Variants in UTS2B observed in about 807,000 individuals in gnomAD.
UTS2B encodes the protein urotensin-2B.
In UTS2B, 21 loss-of-function variants were observed where a neutral mutation model predicts 19.2. That is an observed-to-expected ratio of 1.09 (90% CI 0.78 to 1.58). The LOEUF is 1.58. UTS2B is among the 40% of genes most tolerant of loss of function. The probability of loss-of-function intolerance (pLI) is 0.00; values close to 1 mark genes in which losing one functional copy is unlikely to be tolerated. For missense variants in UTS2B, 138 were observed against 130.3 expected (o/e 1.06, Z -0.29); for synonymous variants, 57 against 50.2 (o/e 1.14, Z -0.58).
chr3:191,298,275 T>G (rs1349120667), intron 4 of UTS2B, among the ~76,000 whole-genome samples: 1 of 152,124 alleles, frequency 6.6e-6, no homozygotes, highest in Non-Finnish European at 1.5e-5. Flanking sequence ...ACAGTTTGGA[T>G]TTTTGCCCCT....
chr3:191,321,525 C>T (rs1477105890), intron 2 of UTS2B, among the ~76,000 whole-genome samples: 1 of 152,134 alleles, frequency 6.6e-6, no homozygotes. Context: ...TCAGCCTTTA[C>T]TTTTCGCAAT....
intron 4 of UTS2B, chr3:191,294,598 G>T (rs1576922825): frequency 6.6e-6 from 1 of 151,760 alleles, no homozygotes; most frequent in South Asian, 2.1e-4. Flanking sequence ...TCTAGAAAAG[G>T]TCCATCCTAT....
At chr3:191,339,304 A>G in the UTS2B span, among the ~76,000 whole-genome samples, 7 of 152,330 alleles carry the variant, frequency 4.6e-5, no homozygotes, top group East Asian at 1.9e-4. Flanking sequence ...AACACTGGTT[A>G]AAAATATGCA....
At chr3:191,283,293 T>C (rs974134620) in intron 4 of UTS2B, among the ~76,000 whole-genome samples, 6 of 152,224 alleles carry the variant, frequency 3.9e-5, no homozygotes, top group Non-Finnish European at 1.5e-5. Flanking sequence ...TCCTGCACTT[T>C]CTGCACTTCA....
intron 4 of UTS2B, chr3:191,294,821 T>C (rs958684849): frequency 6.6e-6 from 1 of 151,250 alleles, no homozygotes; most frequent in Non-Finnish European, 1.5e-5. Flanking sequence ...CTAAGGCCAG[T>C]AGTTCGAGAC....
intron 2 of UTS2B, among the ~76,000 whole-genome samples, chr3:191,318,265 G>A (rs1375236603): frequency 6.6e-6 from 1 of 152,092 alleles, no homozygotes; most frequent in African/African-American, 2.4e-5. Flanking sequence ...CTTCTCTCTA[G>A]CACTGAATAC....
intron 6 of UTS2B, among the ~76,000 whole-genome samples, 168 bp from the exon 7 acceptor site, chr3:191,277,012 A>C (rs1476291030): frequency 6.6e-6 from 1 of 152,188 alleles, no homozygotes; most frequent in Non-Finnish European, 1.5e-5. Context: ...CTCAATGCCC[A>C]TAGTATTGAA....
At chr3:191,320,117 G>T (rs73888548) in intron 2 of UTS2B, among the ~76,000 whole-genome samples, 7,939 of 152,064 alleles carry the variant, frequency 0.052, 701 homozygotes, top group African/African-American at 0.18. Context: ...TATAATATTG[G>T]CAGGAATAAC....
intron 4 of UTS2B, among the ~76,000 whole-genome samples, chr3:191,297,361 A>G (rs2108590427): frequency 6.6e-6 from 1 of 152,218 alleles, no homozygotes; most frequent in South Asian, 2.1e-4. Context: ...GAGAGAGGAG[A>G]ATGCTTTCAA....
rs1395075242 is a variant in UTS2B, at chr3:191,267,674, G to C, written c.*742C>G. On this transcript the variant is annotated 3_prime_UTR_variant, in exon 9 of 9. Transcript: ENST00000340524. ...CAAGGGCAGGGGTAGGTTAATGAGGGATTTAGGGTCATTTGATTATGAGGT... is the reference window on the plus strand; with the variant it reads ...CAAGGGCAGGGGTAGGTTAATGAGGCATTTAGGGTCATTTGATTATGAGGT... 6.6e-6 allele frequency: 1 copy of C among 152,188 alleles called. No individual in the cohort carries two copies. Among genetic ancestry groups the C allele is most frequent in the Admixed American group, 6.5e-5 (1 of 15,278 alleles). The allele number at this position is 152,188 out of a possible 1,614,324, so 9.4% of individuals were successfully genotyped here.
intron 8 of UTS2B, among the ~76,000 whole-genome samples, chr3:191,270,343 T>C (rs1716054117): frequency 6.6e-6 from 1 of 152,114 alleles, no homozygotes; most frequent in Admixed American, 6.5e-5. Context: ...ACTACTAGCA[T>C]GGGTCACCAC....
chr3:191,297,093 C>T (rs2108590138), intron 4 of UTS2B, among the ~76,000 whole-genome samples: 1 of 152,236 alleles, frequency 6.6e-6, no homozygotes, highest in African/African-American at 2.4e-5. Context: ...AATGAAGAGC[C>T]TTCCTATAAC....
chr3:191,316,980 G>A (rs1405889925), intron 2 of UTS2B, among the ~76,000 whole-genome samples: 1 of 152,248 alleles, frequency 6.6e-6, no homozygotes, highest in Non-Finnish European at 1.5e-5. Flanking sequence ...GGCTGCCGGC[G>A]GAGCCTCCCG....
At chr3:191,295,503 T>C (rs1000091811) in intron 4 of UTS2B, among the ~76,000 whole-genome samples, 1 of 152,030 alleles carries the variant, frequency 6.6e-6, no homozygotes, top group Non-Finnish European at 1.5e-5. Flanking sequence ...GATTTTCTTT[T>C]ATTATCATGC....
chr3:191,312,332 C>T lies in UTS2B; in HGVS notation c.-182+3704G>A, dbSNP rs546722192. The stretch of plus-strand genomic sequence containing the variant: ...GAATGAGAGTCAAGGATCCTGAGGA[C>T]ACCAAAAGTCATATTGCAGGTCATC... On this transcript the variant is annotated intron_variant, in intron 3 of 8. Coordinates refer to ENST00000340524, the MANE Select transcript of UTS2B (RefSeq NM_198152.5). 6.6e-5 allele frequency among the ~76,000 whole-genome samples: 10 copies of T among 152,194 alleles called. No individual in the cohort carries two copies. The South Asian group carries it at 2.1e-3, about 32-fold the overall frequency.
In UTS2B at chr3:191,304,501, G is replaced by A. The variant is rs944554237; in HGVS notation, c.-134C>T. 3.3e-5 allele frequency: 5 copies of A among 152,064 alleles called. No individual in the cohort carries two copies. The highest frequency in any genetic ancestry group is 1.2e-4 in the African/African-American group (5 of 41,402). 9.4% of individuals were successfully genotyped at this position (152,064 alleles called of 1,614,324 possible). A position where few individuals can be genotyped will look rare whatever the true frequency, so the allele number is the denominator to read the frequency against. On this transcript the variant is annotated 5_prime_UTR_variant, in exon 4 of 9. It adds an upstream start codon to the 5' untranslated region. Transcript: ENST00000340524. The stretch of plus-strand genomic sequence containing the variant: ...CATTTCTCCTACTCACCATTCTCTC[G>A]TGCTATTTCCTCCCAAATAAACTCC...
intron 4 of UTS2B, among the ~76,000 whole-genome samples, chr3:191,284,142 T>C (rs1167638125): frequency 6.6e-6 from 1 of 152,100 alleles, no homozygotes; most frequent in Non-Finnish European, 1.5e-5. Flanking sequence ...ATTAAAGACA[T>C]ATGCAGCTTT....
At chr3:191,275,506 C>T (rs556740238) in intron 7 of UTS2B, among the ~76,000 whole-genome samples, 161 bp from the exon 8 acceptor site, 1 of 152,278 alleles carries the variant, frequency 6.6e-6, no homozygotes, top group Non-Finnish European at 1.5e-5. Flanking sequence ...CAGTGAAACT[C>T]CGCCTCTACT....
intron 3 of UTS2B, among the ~76,000 whole-genome samples, chr3:191,311,757 G>T (rs1717308472): frequency 6.6e-6 from 1 of 152,204 alleles, no homozygotes; most frequent in African/African-American, 2.4e-5. Context: ...GGCGTTAGGT[G>T]ATATTTCTCA....
Sources: gnomAD v4.1 joint callset for allele counts (sites outside exome capture counted in the v4.1 genomes callset) on GRCh38, gnomAD v4.1.1 for gene constraint, MANE v1.5 for transcripts, NCBI Gene and HGNC (gene_info 2026-07-23, HGNC 2026-07-21) for gene names.